Variants in ABCB1 observed in about 807,000 individuals in gnomAD.
ABCB1 encodes ATP-dependent translocase ABCB1.
In ABCB1, 69 loss-of-function variants were observed where a neutral mutation model predicts 142.0. The observed-to-expected ratio is 0.49, with a 90% CI of 0.40 to 0.59. The LOEUF (loss-of-function observed/expected upper bound fraction) is 0.59, where lower values mean the gene tolerates loss of function less well. ABCB1 is among the 20% of genes least tolerant of loss of function. The pLI is 0.00. For missense variants in ABCB1, 1,326 were observed against 1,554.7 expected, an observed-to-expected ratio of 0.85 and a Z score of 2.47; for synonymous variants, 532 against 539.2, an observed-to-expected ratio of 0.99 and a Z score of 0.18.
intron 26 of ABCB1, among the ~76,000 whole-genome samples, chr7:87,508,372 T>A (rs1172982506): frequency 6.6e-6 from 1 of 152,212 alleles, no homozygotes; most frequent in Non-Finnish European, 1.5e-5. Flanking sequence ...GTGTATAAGG[T>A]ATACATGAAA....
chr7:87,601,138 T>C (rs28381800), upstream of ABCB1: 2 of 152,210 alleles, frequency 1.3e-5, no homozygotes, highest in African/African-American at 2.4e-5. Context: ...TTTCAACTTA[T>C]GTAGACACGT....
At chr7:87,607,171 G>A (rs1183638063) in intron 1 of ABCB1, among the ~76,000 whole-genome samples, 2 of 152,096 alleles carry the variant, frequency 1.3e-5, no homozygotes, top group Admixed American at 6.6e-5. Flanking sequence ...TATATAAGTT[G>A]GATACATGGT....
intron 1 of ABCB1, 82 bp from the exon 2 acceptor site, chr7:87,600,272 G>A (rs928500121): frequency 1.7e-6 from 2 of 1,182,658 alleles, no homozygotes; most frequent in Non-Finnish European, 2.5e-6. Context: ...GTCCCCCGTC[G>A]AAGCCAGAGA....
intron 1 of ABCB1, among the ~76,000 whole-genome samples, chr7:87,697,749 C>T (rs117327090): frequency 0.017 from 2,621 of 152,298 alleles, 25 homozygotes; most frequent in South Asian, 0.036. Context: ...ATCCTTACAA[C>T]AGTACTATCC....
chr7:87,556,102 T>A (rs1345314631), intron 8 of ABCB1, among the ~76,000 whole-genome samples: 2 of 152,184 alleles, frequency 1.3e-5, no homozygotes, highest in African/African-American at 4.8e-5. Context: ...GATATTAAAA[T>A]CATCCATTCA....
At chr7:87,685,820 A>G (rs1827402693) in intron 1 of ABCB1, among the ~76,000 whole-genome samples, 2 of 152,208 alleles carry the variant, frequency 1.3e-5, no homozygotes, top group African/African-American at 2.4e-5. Context: ...GAATAAATGT[A>G]TAACTCCCCC....
At chr7:87,631,095 C>G (rs976403192) in intron 1 of ABCB1, among the ~76,000 whole-genome samples, 1 of 152,068 alleles carries the variant, frequency 6.6e-6, no homozygotes, top group African/African-American at 2.4e-5. Flanking sequence ...CTCTGGATTT[C>G]ATTTGTATTG....
At chr7:87,686,603 A>G (rs754708887) in intron 1 of ABCB1, among the ~76,000 whole-genome samples, 9 of 152,122 alleles carry the variant, frequency 5.9e-5, no homozygotes, top group Non-Finnish European at 8.8e-5. Context: ...GATGGGATGT[A>G]TTAGTGATTT....
chr7:87,675,483 T>C (rs1382870440), intron 1 of ABCB1, among the ~76,000 whole-genome samples: 1 of 152,018 alleles, frequency 6.6e-6, no homozygotes, highest in Non-Finnish European at 1.5e-5. Context: ...TGAAACAGCT[T>C]GGTACTAAAA....
At chr7:87,536,787 G>A (rs1338687418) in intron 19 of ABCB1, among the ~76,000 whole-genome samples, 3 of 151,998 alleles carry the variant, frequency 2.0e-5, no homozygotes, top group African/African-American at 4.8e-5. Flanking sequence ...GGACCTGTAC[G>A]AACAAAAAAG....
At chr7:87,546,097 T>A in intron 14 of ABCB1, 73 bp from the exon 15 acceptor site, 1 of 1,474,958 alleles carries the variant, frequency 6.8e-7, no homozygotes, top group South Asian at 1.1e-5. Context: ...CAACATATAT[T>A]TACTGAACCA....
intron 17 of ABCB1, among the ~76,000 whole-genome samples, chr7:87,543,434 C>T (rs1816631502): frequency 6.6e-6 from 1 of 152,090 alleles, no homozygotes; most frequent in Admixed American, 6.6e-5. Flanking sequence ...TTTGTAGAAT[C>T]AAAAGTCAGT....
At chr7:87,691,276 GCTGT>G (rs903733656) in intron 1 of ABCB1, among the ~76,000 whole-genome samples, 3 of 152,108 alleles carry the variant, frequency 2.0e-5, no homozygotes, top group Admixed American at 6.5e-5. Flanking sequence ...GTCAGGAAAT[GCTGT>G]CTGTCTTCAG....
Position 87,515,265 on chromosome 7 carries a change from A to G in ABCB1, c.3248T>C (p.Leu1083Pro), listed in dbSNP as rs755734139. 4 of 1,614,118 alleles carry G rather than the reference A, an allele frequency of 2.5e-6. No individual in the cohort carries two copies. The highest frequency in any genetic ancestry group is 1.1e-5 in the South Asian group (1 of 91,076). ...TGCCAAGGGGTCGTAGAACCGCTCCAGGAGCTGGACCACTGTGCTCTTCCC... is the reference window on the plus strand; with the variant it reads ...TGCCAAGGGGTCGTAGAACCGCTCCGGGAGCTGGACCACTGTGCTCTTCCC... ...GCGKSTVVQL[L>P]ERFYDPLAGK... Residue 1083 changes from leucine (L) to proline (P), a missense_variant, in exon 25 of 28, where the codon CTG (leucine) becomes CCG (proline). Transcript: ENST00000622132.
intron 2 of ABCB1, among the ~76,000 whole-genome samples, chr7:87,597,223 A>G (rs1469427376): frequency 6.6e-6 from 1 of 152,018 alleles, no homozygotes; most frequent in African/African-American, 2.4e-5. Flanking sequence ...GCACTTTCAC[A>G]CAAACTCTCA....
intron 1 of ABCB1, among the ~76,000 whole-genome samples, chr7:87,632,524 C>T (rs1821327881): frequency 6.6e-6 from 1 of 152,130 alleles, no homozygotes; most frequent in South Asian, 2.1e-4. Context: ...TTTGAGGACT[C>T]TAAATCTTAC....
intron 20 of ABCB1, among the ~76,000 whole-genome samples, chr7:87,534,920 A>T: frequency 7.2e-6 from 1 of 138,488 alleles, no homozygotes; most frequent in South Asian, 2.2e-4. Flanking sequence ...GTCTCTTTAA[A>T]AAAAAAAAAA....
At chr7:87,697,383 A>G (rs757298806) in intron 1 of ABCB1, among the ~76,000 whole-genome samples, 17 of 152,186 alleles carry the variant, frequency 1.1e-4, no homozygotes, top group Admixed American at 2.0e-4. Context: ...TTCTTGAGGG[A>G]AGTCTGGCAG....
intron 1 of ABCB1, among the ~76,000 whole-genome samples, chr7:87,683,037 C>G (rs1427807787): frequency 1.3e-5 from 2 of 152,180 alleles, no homozygotes; most frequent in African/African-American, 4.8e-5. Flanking sequence ...GCACTTGCTG[C>G]TTCACCTTTT....
Sources: gnomAD v4.1 joint callset for allele counts (sites outside exome capture counted in the v4.1 genomes callset) on GRCh38, gnomAD v4.1.1 for gene constraint, MANE v1.5 for transcripts, NCBI Gene and HGNC (gene_info 2026-07-23, HGNC 2026-07-21) for gene names.